VPS13B: variants seen among roughly 807,000 people sequenced by gnomAD.
VPS13B encodes the protein intermembrane lipid transfer protein VPS13B.
VPS13B carries 285 observed loss-of-function variants against 426.4 expected under a neutral mutation model. That is an observed-to-expected ratio of 0.67 (90% confidence interval 0.61 to 0.74). The LOEUF (loss-of-function observed/expected upper bound fraction) is 0.74, where lower values mean the gene tolerates loss of function less well. Ranked by LOEUF, VPS13B falls within the 30% of genes least tolerant of loss-of-function variation. VPS13B has a pLI of 0.00. For missense variants in VPS13B, 4,537 were observed against 4,782.6 expected (o/e 0.95, Z 1.51); for synonymous variants, 1,676 against 1,676.4 (o/e 1.00, Z 0.01).
At chr8:99,767,162 T>G (rs985442546) in intron 40 of VPS13B, among the ~76,000 whole-genome samples, 192 bp downstream of exon 40, 3 of 152,046 alleles carry the variant, frequency 2.0e-5, no homozygotes, top group Non-Finnish European at 4.4e-5. Context: ...AATCCTGTGT[T>G]TTTACTCATA....
At chr8:99,599,365 C>T (rs1827176336) in intron 33 of VPS13B, among the ~76,000 whole-genome samples, 1 of 151,946 alleles carries the variant, frequency 6.6e-6, no homozygotes, top group Non-Finnish European at 1.5e-5. Flanking sequence ...TTTTCCTCAC[C>T]TACTGTTCTC....
At chr8:99,372,272 A>T (rs1169639185) in intron 19 of VPS13B, among the ~76,000 whole-genome samples, 1 of 151,816 alleles carries the variant, frequency 6.6e-6, no homozygotes, top group Non-Finnish European at 1.5e-5. Context: ...AAAACAAAAA[A>T]CACCAAAAGC....
chr8:99,420,494 ATGC>A (rs902215675), intron 21 of VPS13B, among the ~76,000 whole-genome samples: 1 of 152,198 alleles, frequency 6.6e-6, no homozygotes, highest in Non-Finnish European at 1.5e-5. Flanking sequence ...CAGTAATTTA[ATGC>A]TGTGGCTTGG....
intron 35 of VPS13B, chr8:99,697,501 G>A (rs776186800): frequency 2.8e-5 from 21 of 738,200 alleles, no homozygotes; most frequent in African/African-American, 1.0e-4. Context: ...AGCAGAAGTC[G>A]CTCACCAAAG....
Position 99,507,211 on chromosome 8 carries a change from C to T in VPS13B, c.4224+8C>T. The T allele has an allele frequency of 6.2e-7, 1 of 1,613,284 alleles. No homozygotes were observed. The highest frequency in any genetic ancestry group is 8.5e-7 in the Non-Finnish European group (1 of 1,179,572). Reference sequence around the variant, plus strand: ...TGCAAAGAAAAATCTGTGGTGAGACCCATTTAGTTACTATGATTTTTGAAA... The same window carrying T: ...TGCAAAGAAAAATCTGTGGTGAGACTCATTTAGTTACTATGATTTTTGAAA... On this transcript the variant is annotated splice_region_variant and intron_variant, in intron 28 of 61. Coordinates refer to ENST00000357162, the MANE Select transcript of VPS13B (RefSeq NM_152564.5).
chr8:99,084,722 A>T (rs1172447634), intron 3 of VPS13B, among the ~76,000 whole-genome samples: 1 of 152,202 alleles, frequency 6.6e-6, no homozygotes, highest in Non-Finnish European at 1.5e-5. Flanking sequence ...GCCAGTAGTC[A>T]TTCAGGAGCA....
rs74857022 is a variant in VPS13B, at chr8:99,654,790, T to C, written c.5909-6564T>C. Among the ~76,000 whole-genome samples the C allele has an allele frequency of 1.2e-3, 184 of 152,210 alleles. 3 individuals carry two copies. In the East Asian group the frequency reaches 0.032, roughly 26 times the overall value. On this transcript the variant is annotated intron_variant, in intron 34 of 61. Coordinates refer to ENST00000357162, the MANE Select transcript of VPS13B (RefSeq NM_152564.5). Reference sequence around the variant, plus strand: ...ATAGGAATTTCCAAAATGCTGTCCTTTAAATTCTCTGTAAGTTCTATTAAG... The same window carrying C: ...ATAGGAATTTCCAAAATGCTGTCCTCTAAATTCTCTGTAAGTTCTATTAAG...
At position 99,859,344 on chromosome 8, in the gene VPS13B, A is replaced by C. The variant is rs1191575037; in HGVS notation, c.10908A>C (p.Ala3636=). The C allele has an allele frequency of 6.8e-6, 11 of 1,613,878 alleles. No homozygotes were observed. Among genetic ancestry groups the C allele is most frequent in the Non-Finnish European group, 8.5e-6 (10 of 1,179,994 alleles). The change falls in exon 57 of 62, where the codon GCA becomes GCC. Residue 3636 remains alanine (A), a synonymous_variant. Coordinates refer to ENST00000357162, the MANE Select transcript of VPS13B (RefSeq NM_152564.5). The part of the protein sequence containing the change: ...VGSLDILGSP[A]SLVRSIGNGV... The stretch of plus-strand genomic sequence containing the variant: ...CTCTGGATATTCTTGGCAGCCCTGC[A>C]AGCCTGGTGAGAAGCATCGGGAACG...
chr8:99,197,825 G>T (rs1367011420), intron 17 of VPS13B, among the ~76,000 whole-genome samples: 1 of 151,976 alleles, frequency 6.6e-6, no homozygotes, highest in Non-Finnish European at 1.5e-5. Flanking sequence ...TCTTTTACCT[G>T]TTGGTAATTT....
intron 17 of VPS13B, among the ~76,000 whole-genome samples, chr8:99,208,129 C>T (rs1285338303): frequency 1.3e-5 from 2 of 152,134 alleles, no homozygotes; most frequent in South Asian, 2.1e-4. Context: ...CAGTAGCTGG[C>T]GTGTCACATC....
At chr8:99,668,666 C>T (rs1830582397) in intron 35 of VPS13B, among the ~76,000 whole-genome samples, 1 of 152,066 alleles carries the variant, frequency 6.6e-6, no homozygotes, top group African/African-American at 2.4e-5. Flanking sequence ...GCTCTCCCAA[C>T]CCCCCACCTT....
chr8:99,642,227 C>A lies in VPS13B; in HGVS notation c.5637C>A (p.Ser1879Arg). ...CAGCAGAAGATCTCTTAAGGAGCAG[C>A]ATTTCTTTTCCTTCAGGGAAAAAAA... The part of the protein sequence containing the change: ...TVTAEDLLRS[S>R]ISFPSGKKIG... The change falls in exon 34 of 62, where the codon AGC becomes AGA. Residue 1879 changes from serine to arginine, a missense_variant. Physicochemically the swap from Ser to Arg is moderately radical, Grantham distance 110 (BLOSUM62 -1). Coordinates refer to ENST00000357162, the MANE Select transcript of VPS13B (RefSeq NM_152564.5). 2.5e-6 allele frequency: 4 copies of A among 1,614,156 alleles called. No homozygotes were observed. Among genetic ancestry groups the A allele is most frequent in the Non-Finnish European group, 3.4e-6 (4 of 1,180,024 alleles).
intron 2 of VPS13B, among the ~76,000 whole-genome samples, chr8:99,023,871 T>C (rs906556423): frequency 1.3e-5 from 2 of 152,218 alleles, no homozygotes; most frequent in Admixed American, 6.5e-5. Flanking sequence ...GCAATAAACA[T>C]GGAGGTACAA....
chr8:99,291,733 T>C (rs1819745103), intron 19 of VPS13B, among the ~76,000 whole-genome samples: 1 of 152,120 alleles, frequency 6.6e-6, no homozygotes, highest in African/African-American at 2.4e-5. Context: ...CAAGGAAGGA[T>C]TGATATTTAA....
At chr8:99,387,433 G>A (rs1008584484) in intron 20 of VPS13B, among the ~76,000 whole-genome samples, 26 of 151,820 alleles carry the variant, frequency 1.7e-4, no homozygotes, top group South Asian at 1.0e-3. Flanking sequence ...ATATTGCCCC[G>A]GCTCGTCTAA....
intron 37 of VPS13B, among the ~76,000 whole-genome samples, chr8:99,718,867 C>G (rs1833023996): frequency 1.3e-5 from 2 of 151,926 alleles, no homozygotes; most frequent in African/African-American, 2.4e-5. Context: ...CTATGTTGCC[C>G]AGGCTGGTCT....
At chr8:99,063,051 G>A (rs527432419) in intron 3 of VPS13B, among the ~76,000 whole-genome samples, 1 of 152,250 alleles carries the variant, frequency 6.6e-6, no homozygotes, top group African/African-American at 2.4e-5. Context: ...TATAGCAATA[G>A]TGAAATGAAT....
In VPS13B at chr8:99,420,387, G is replaced by A. The variant is rs74378994; in HGVS notation, c.3083-11150G>A. On this transcript the variant is annotated intron_variant, in intron 21 of 61. Transcript: ENST00000357162. Reference sequence around the variant, plus strand: ...CCAGAATAAGAACAGAGATTTTGATGTACTGATTTTGAGTAATTTTATCAG... The same window carrying A: ...CCAGAATAAGAACAGAGATTTTGATATACTGATTTTGAGTAATTTTATCAG... 2.1e-3 allele frequency among the ~76,000 whole-genome samples: 321 copies of A among 152,218 alleles called. 1 individual carries two copies. The highest frequency in any genetic ancestry group is 3.6e-3 in the Non-Finnish European group (242 of 67,970).
At chr8:99,124,780 G>A (rs536132607) in intron 8 of VPS13B, among the ~76,000 whole-genome samples, 8 of 150,648 alleles carry the variant, frequency 5.3e-5, no homozygotes, top group African/African-American at 1.9e-4. Context: ...TACTCGGGAG[G>A]CTGAGGCAGG....
Sources: gnomAD v4.1 joint callset for allele counts (sites outside exome capture counted in the v4.1 genomes callset) on GRCh38, gnomAD v4.1.1 for gene constraint, MANE v1.5 for transcripts, NCBI Gene and HGNC (gene_info 2026-07-23, HGNC 2026-07-21) for gene names.